Variants in ANOS1 observed in about 807,000 individuals in gnomAD.
ANOS1 encodes anosmin 1, also known as anosmin-1.
ANOS1 carries 6 observed loss-of-function variants against 59.0 expected under a neutral mutation model. That is an observed-to-expected ratio of 0.10 (90% CI 0.06 to 0.20). The LOEUF (loss-of-function observed/expected upper bound fraction) is 0.20. Ranked by LOEUF, ANOS1 falls within the 10% of genes least tolerant of loss-of-function variation. The probability of loss-of-function intolerance (pLI) is 1.00; values close to 1 mark genes in which losing one functional copy is unlikely to be tolerated. For synonymous variants in ANOS1, 217 were observed against 223.4 expected (o/e 0.97, Z 0.25); for missense variants, 433 against 542.3 (o/e 0.80, Z 2.00).
At chrX:8,727,312 C>T (rs1201991108) in intron 1 of ANOS1, among the ~76,000 whole-genome samples, 6 of 111,969 alleles carry the variant, frequency 5.4e-5, no homozygotes, top group African/African-American at 1.9e-4. Context: ...CTGCTCCCCA[C>T]CTCCCATCAC....
At chrX:8,608,923 T>C (rs1215247144) in intron 3 of ANOS1, among the ~76,000 whole-genome samples, 1 of 112,360 alleles carries the variant, frequency 8.9e-6, no homozygotes, top group Non-Finnish European at 1.9e-5. Context: ...GAAAAGTGAG[T>C]CAATTAAACC....
chrX:8,541,413 C>CA (rs1929684573), intron 9 of ANOS1, among the ~76,000 whole-genome samples: 1 of 101,638 alleles, frequency 9.8e-6, no homozygotes, highest in African/African-American at 3.6e-5. Flanking sequence ...CCCACCACCC[C>CA]CCCCCCAAAA....
At chrX:8,666,898 C>A (rs1028115393) in intron 2 of ANOS1, among the ~76,000 whole-genome samples, 1 of 111,114 alleles carries the variant, frequency 9.0e-6, no homozygotes, top group Non-Finnish European at 1.9e-5. Context: ...GAGGGGGGCC[C>A]AGACAACATC....
chrX:8,534,491 C>T, intron 12 of ANOS1, 31 bp from the exon 13 acceptor site: 1 of 1,199,823 alleles, frequency 8.3e-7, no homozygotes, highest in South Asian at 1.8e-5. Context: ...AGCATGCTCA[C>T]CGACAACCTT....
intron 2 of ANOS1, among the ~76,000 whole-genome samples, chrX:8,684,308 G>C (rs1932470774): frequency 9.0e-6 from 1 of 111,230 alleles, no homozygotes. Flanking sequence ...CATCCAAGAG[G>C]GCTAAGATTT....
intron 2 of ANOS1, among the ~76,000 whole-genome samples, chrX:8,637,110 A>T (rs1931585635): frequency 1.8e-5 from 2 of 112,441 alleles, no homozygotes; most frequent in South Asian, 7.4e-4. Flanking sequence ...ATACAGTAAC[A>T]ATGAAAGCTA....
At chrX:8,655,490 C>T (rs772578910) in intron 2 of ANOS1, among the ~76,000 whole-genome samples, 1 of 111,607 alleles carries the variant, frequency 9.0e-6, no homozygotes, top group East Asian at 2.8e-4. Context: ...CCTAACAGGC[C>T]ATGGACCATT....
rs1431454301 is a variant in ANOS1, at chrX:8,532,695, T to C, written c.*300A>G. 1 of 214,123 alleles carries C rather than the reference T, an allele frequency of 4.7e-6. No homozygotes were observed. Among genetic ancestry groups the C allele is most frequent in the Admixed American group, 6.5e-5 (1 of 15,270 alleles). 17.6% of individuals were successfully genotyped at this position (214,123 alleles called of 1,213,427 possible). A position where few individuals can be genotyped will look rare whatever the true frequency, so the allele number is the denominator to read the frequency against. On this transcript the variant is annotated 3_prime_UTR_variant, in exon 14 of 14. Coordinates refer to ENST00000262648, the MANE Select transcript of ANOS1 (RefSeq NM_000216.4). Reference sequence around the variant, plus strand: ...TCCAAATTCAGGGAAAACTGAGTTCTGTTGTAATTCAATAGAAATGAGCGA... The same window carrying C: ...TCCAAATTCAGGGAAAACTGAGTTCCGTTGTAATTCAATAGAAATGAGCGA...
At chrX:8,603,683 A>C (rs1322329812) in intron 3 of ANOS1, among the ~76,000 whole-genome samples, 1 of 112,401 alleles carries the variant, frequency 8.9e-6, no homozygotes, top group African/African-American at 3.2e-5. Flanking sequence ...GTTTAAAATC[A>C]CATAAATACA....
At chrX:8,576,481 C>CACACACAT (rs1404365123) in intron 6 of ANOS1, among the ~76,000 whole-genome samples, 1,299 of 102,355 alleles carry the variant, frequency 0.013, 21 homozygotes, top group African/African-American at 0.043. Flanking sequence ...CACACACACA[C>CACACACAT]ACACACACAT....
In ANOS1 at chrX:8,619,070, C is replaced by CA. The variant is rs1164164251; in HGVS notation, c.318+4537dup. On this transcript the variant is annotated intron_variant, in intron 3 of 13. Transcript: ENST00000262648. The stretch of plus-strand genomic sequence containing the variant: ...CCTGGGCGACAGAGCAAACCTCTCT[C>CA]AAAAAAAAAAAAAAAAAAAAAAAAA... 4.4e-3 allele frequency among the ~76,000 whole-genome samples: 192 copies of CA among 43,937 alleles called. 8 individuals are homozygous for CA. Among genetic ancestry groups the CA allele is most frequent in the Non-Finnish European group, 5.2e-3 (131 of 25,208 alleles). 38.2% of individuals were successfully genotyped at this position (43,937 alleles called of 115,157 possible).
At chrX:8,554,562 T>G (rs866804292) in intron 8 of ANOS1, among the ~76,000 whole-genome samples, 1,715 of 99,118 alleles carry the variant, frequency 0.017, 61 homozygotes, top group African/African-American at 0.062. Flanking sequence ...TTTTTTTTTT[T>G]TTTTTTTTGT....
intron 2 of ANOS1, among the ~76,000 whole-genome samples, chrX:8,682,354 C>CCACACACACA (rs757532758): frequency 7.9e-5 from 8 of 101,620 alleles, no homozygotes; most frequent in African/African-American, 2.6e-4. Context: ...GAGAATTTCA[C>CCACACACACA]CACACACACA....
intron 2 of ANOS1, among the ~76,000 whole-genome samples, chrX:8,656,757 A>C (rs138825801): frequency 1.4e-3 from 159 of 110,572 alleles, no homozygotes; most frequent in African/African-American, 5.0e-3. Context: ...GAAAAGCTCA[A>C]CTCCCGATGT....
intron 2 of ANOS1, among the ~76,000 whole-genome samples, chrX:8,678,255 G>C (rs1932366448): frequency 1.8e-5 from 2 of 112,367 alleles, no homozygotes; most frequent in Non-Finnish European, 3.8e-5. Flanking sequence ...AACTGTGTTA[G>C]GTTAGGGAAT....
intron 6 of ANOS1, 50 bp downstream of exon 6, chrX:8,585,217 C>T (rs778096587): frequency 3.4e-6 from 4 of 1,168,861 alleles, no homozygotes; most frequent in Non-Finnish European, 1.2e-6. Context: ...TCCATGTGTG[C>T]CTGGTAGCAA....
intron 5 of ANOS1, among the ~76,000 whole-genome samples, chrX:8,586,262 T>C (rs185117772): frequency 7.3e-4 from 82 of 111,962 alleles, no homozygotes; most frequent in African/African-American, 2.4e-3. Context: ...TATAATAACC[T>C]CAGCTTAAAA....
At chrX:8,651,196 CAG>C (rs1931845029) in intron 2 of ANOS1, among the ~76,000 whole-genome samples, 1 of 112,285 alleles carries the variant, frequency 8.9e-6, no homozygotes, top group Non-Finnish European at 1.9e-5. Flanking sequence ...GCTAGGACCT[CAG>C]AGATGGCTCC....
rs1274288178 is a variant in ANOS1 at position 8,529,529 on chromosome X, T to C, written c.*3466A>G. The C allele has an allele frequency of 5.4e-5, 6 of 112,041 alleles. No individual in the cohort carries two copies. In the South Asian group the frequency reaches 1.1e-3, roughly 21 times the overall value. 9.2% of individuals were successfully genotyped at this position (112,041 alleles called of 1,213,427 possible). A position where few individuals can be genotyped will look rare whatever the true frequency, so the allele number is the denominator to read the frequency against. ...ATCACAAATGACATTTACGGATACA[T>C]AGGGCAAAATTAGTATTTGTACTTG... On this transcript the variant is annotated 3_prime_UTR_variant, in exon 14 of 14. Transcript: ENST00000262648.
Sources: gnomAD v4.1 joint callset for allele counts (sites outside exome capture counted in the v4.1 genomes callset) on GRCh38, gnomAD v4.1.1 for gene constraint, MANE v1.5 for transcripts, NCBI Gene and HGNC (gene_info 2026-07-23, HGNC 2026-07-21) for gene names.